Variants in TBC1D15 observed in about 807,000 individuals in gnomAD.
The protein encoded by TBC1D15 is TBC1 domain family member 15, also known as GAP for RAB7.
TBC1D15 carries 39 observed loss-of-function variants against 95.4 expected under a neutral mutation model. The observed-to-expected ratio is 0.41, with a 90% CI of 0.32 to 0.53. The LOEUF (loss-of-function observed/expected upper bound fraction) is 0.53, where lower values mean the gene tolerates loss of function less well. Among genes scored for constraint, TBC1D15 ranks in the 20% least tolerant of loss-of-function variants. TBC1D15 has a pLI of 0.29. For missense variants in TBC1D15, 733 were observed against 794.3 expected (o/e 0.92, Z 0.93); for synonymous variants, 258 against 261.3 (o/e 0.99, Z 0.12).
chr12:71,900,934 A>G (rs1566043087), intron 10 of TBC1D15, among the ~76,000 whole-genome samples: 1 of 152,180 alleles, frequency 6.6e-6, no homozygotes, highest in South Asian at 2.1e-4. Flanking sequence ...AGCCAGAGCA[A>G]TCAGGCAAGA....
intron 10 of TBC1D15, among the ~76,000 whole-genome samples, chr12:71,899,372 C>T (rs1014507654): frequency 1.3e-5 from 2 of 152,140 alleles, no homozygotes; most frequent in African/African-American, 2.4e-5. Context: ...CCATCTATCT[C>T]GTTAGTTTTA....
At position 71,849,415 on chromosome 12, in the gene TBC1D15, C is replaced by T. The variant is rs1055362294; in HGVS notation, c.30+9604C>T. The T allele has an allele frequency of 3.4e-4, 452 of 1,337,180 alleles. 1 individual carries two copies. Among genetic ancestry groups the T allele is most frequent in the Middle Eastern group, 5.5e-4 (3 of 5,496 alleles). 82.8% of individuals were successfully genotyped at this position (1,337,180 alleles called of 1,614,324 possible). A position where few individuals can be genotyped will look rare whatever the true frequency, so the allele number is the denominator to read the frequency against. ...GAGCCACTTCCCATGAACATAATTC[C>T]TGTAATCAGTCAAAACACTCCATGG... On this transcript the variant is annotated intron_variant, in intron 1 of 16. Coordinates refer to ENST00000485960, the MANE Select transcript of TBC1D15 (RefSeq NM_001146213.3).
At chr12:71,848,231 A>G (rs1421443669) in intron 1 of TBC1D15, among the ~76,000 whole-genome samples, 1 of 152,244 alleles carries the variant, frequency 6.6e-6, no homozygotes, top group Non-Finnish European at 1.5e-5. Context: ...GATCATATAT[A>G]TTAGTTGTGT....
chr12:71,899,675 T>A (rs1196026010), intron 10 of TBC1D15, among the ~76,000 whole-genome samples: 1 of 152,186 alleles, frequency 6.6e-6, no homozygotes, highest in Non-Finnish European at 1.5e-5. Context: ...GGAAGAGTAT[T>A]TTATTTATAT....
At chr12:71,921,270 A>G (rs1348722795) in intron 15 of TBC1D15, 98 bp from the exon 16 acceptor site, 1 of 523,530 alleles carries the variant, frequency 1.9e-6, no homozygotes, top group Non-Finnish European at 3.1e-6. Flanking sequence ...TAAGGATTTT[A>G]TCTGCAGTGA....
At chr12:71,846,442 T>G (rs550505016) in intron 1 of TBC1D15, among the ~76,000 whole-genome samples, 13 of 152,348 alleles carry the variant, frequency 8.5e-5, no homozygotes, top group Admixed American at 7.8e-4. Flanking sequence ...CAAGGAACTC[T>G]AATACCTTTT....
At chr12:71,844,027 C>T (rs1336732431) in intron 1 of TBC1D15, among the ~76,000 whole-genome samples, 1 of 152,180 alleles carries the variant, frequency 6.6e-6, no homozygotes, top group African/African-American at 2.4e-5. Flanking sequence ...ACCTCATCTA[C>T]ACAGTTTTGT....
rs548114735 is a variant in TBC1D15 at position 71,839,785 on chromosome 12, G to T, written c.4G>T (p.Ala2Ser). The part of the protein sequence containing the change: M[A>S]AAGVVSGKII... ...TTACCAGGCACGCGCAGGAAACATGGCGGCGGCGGGTGTTGTGAGCGGGAA... is the reference window on the plus strand; with the variant it reads ...TTACCAGGCACGCGCAGGAAACATGTCGGCGGCGGGTGTTGTGAGCGGGAA... Residue 2 changes from alanine to serine, a missense_variant, in exon 1 of 17, where the codon GCG (alanine) becomes TCG (serine). Coordinates refer to ENST00000485960, the MANE Select transcript of TBC1D15 (RefSeq NM_001146213.3). The T allele has an allele frequency of 6.2e-7, 1 of 1,614,176 alleles. No homozygotes were observed. The highest frequency in any genetic ancestry group is 1.1e-5 in the South Asian group (1 of 91,088).
intron 1 of TBC1D15, among the ~76,000 whole-genome samples, chr12:71,853,200 C>G (rs2137976330): frequency 6.6e-6 from 1 of 152,268 alleles, no homozygotes; most frequent in South Asian, 2.1e-4. Context: ...TCACATAGAG[C>G]AGGAGGAATA....
intron 11 of TBC1D15, among the ~76,000 whole-genome samples, chr12:71,908,720 G>A (rs1255581811): frequency 6.6e-6 from 1 of 152,098 alleles, no homozygotes; most frequent in Non-Finnish European, 1.5e-5. Context: ...TTAATAGAGT[G>A]CTTTTCAGGT....
intron 1 of TBC1D15, among the ~76,000 whole-genome samples, chr12:71,866,884 T>G (rs1399161925): frequency 6.6e-6 from 1 of 152,206 alleles, no homozygotes; most frequent in Non-Finnish European, 1.5e-5. Flanking sequence ...GGACTTCTGT[T>G]TTTGTATTTT....
intron 1 of TBC1D15, among the ~76,000 whole-genome samples, chr12:71,857,424 A>G (rs149021368): frequency 3.9e-3 from 590 of 152,362 alleles, no homozygotes; most frequent in Non-Finnish European, 5.4e-3. Context: ...TCAAATATCA[A>G]TTATTACAAT....
intron 1 of TBC1D15, among the ~76,000 whole-genome samples, chr12:71,867,634 G>A (rs1387204123): frequency 1.3e-5 from 2 of 152,204 alleles, no homozygotes; most frequent in Non-Finnish European, 2.9e-5. Context: ...AATCCACAAA[G>A]TGTTCATTAA....
At chr12:71,850,170 A>G (rs1887413587) in intron 1 of TBC1D15, 3 of 570,264 alleles carry the variant, frequency 5.3e-6, no homozygotes, top group Non-Finnish European at 1.0e-5. Context: ...TGGCTGTGAT[A>G]CTCATTACAT....
chr12:71,894,494 T>A, intron 6 of TBC1D15, 192 bp from the exon 7 acceptor site: 1 of 1,247,606 alleles, frequency 8.0e-7, no homozygotes, highest in Non-Finnish European at 1.1e-6. Context: ...TTTAACCAAA[T>A]GAAATGATTG....
intron 1 of TBC1D15, among the ~76,000 whole-genome samples, chr12:71,840,938 A>G (rs900177881): frequency 1.2e-4 from 18 of 151,944 alleles, no homozygotes; most frequent in African/African-American, 2.4e-5. Context: ...GCCAATCATT[A>G]TTTCTTGTAT....
At chr12:71,897,760 T>C in intron 9 of TBC1D15, 87 bp from the exon 10 acceptor site, 1 of 902,712 alleles carries the variant, frequency 1.1e-6, no homozygotes, top group Non-Finnish European at 1.8e-6. Context: ...AATGCTTTGA[T>C]ATACTGTTTA....
intron 1 of TBC1D15, chr12:71,850,296 A>C (rs1887448103): frequency 2.1e-6 from 1 of 483,258 alleles, no homozygotes; most frequent in Non-Finnish European, 4.0e-6. Flanking sequence ...TACTGGGGCT[A>C]TACTGGCTAG....
intron 1 of TBC1D15, among the ~76,000 whole-genome samples, chr12:71,866,299 G>A (rs7969261): frequency 0.27 from 41,420 of 152,060 alleles, 7,738 homozygotes; most frequent in African/African-American, 0.54. Flanking sequence ...GGACAGATGC[G>A]GTATCTTCTC....
Sources: allele counts gnomAD v4.1 joint callset (sites outside exome capture counted in the v4.1 genomes callset), GRCh38; gene constraint gnomAD v4.1.1; transcripts MANE v1.5; gene names NCBI Gene and HGNC (gene_info 2026-07-23, HGNC 2026-07-21).